The following MANBA variants were observed in gnomAD, a reference collection of about 807,000 sequenced individuals.
MANBA encodes the protein beta-mannosidase.
A neutral mutation model predicts 111.1 loss-of-function variants in MANBA; 83 were observed. The observed-to-expected ratio is 0.75, with a 90% CI of 0.63 to 0.90. The LOEUF (loss-of-function observed/expected upper bound fraction) is 0.90. MANBA is among the 40% of genes least tolerant of loss of function. The pLI is 0.00. For missense variants in MANBA, 1,036 were observed against 1,069.0 expected, an observed-to-expected ratio of 0.97 and a Z score of 0.43; for synonymous variants, 370 against 378.7, an observed-to-expected ratio of 0.98 and a Z score of 0.27.
At chr4:102,705,953 G>A (rs1733278479) in intron 5 of MANBA, among the ~76,000 whole-genome samples, 1 of 152,164 alleles carries the variant, frequency 6.6e-6, no homozygotes, top group African/African-American at 2.4e-5. Context: ...GGGGACTAGT[G>A]TGCCCAGCCT....
intron 7 of MANBA, among the ~76,000 whole-genome samples, chr4:102,687,015 C>T (rs1163649805): frequency 6.6e-6 from 1 of 152,188 alleles, no homozygotes; most frequent in Non-Finnish European, 1.5e-5. Context: ...ACATCTAACA[C>T]TGAAATAATT....
At chr4:102,636,725 G>A (rs1397311757) in intron 14 of MANBA, among the ~76,000 whole-genome samples, 1 of 152,200 alleles carries the variant, frequency 6.6e-6, no homozygotes, top group Non-Finnish European at 1.5e-5. Flanking sequence ...TAAGTACAAG[G>A]AGCTGGTGAT....
intron 10 of MANBA, chr4:102,665,745 G>C (rs1199622608): frequency 3.9e-5 from 6 of 152,208 alleles, no homozygotes; most frequent in East Asian, 3.8e-4. Context: ...GAATGGCAGA[G>C]TGAGTCAATG....
At chr4:102,659,990 G>C (rs1447932616) in intron 11 of MANBA, among the ~76,000 whole-genome samples, 1 of 151,930 alleles carries the variant, frequency 6.6e-6, no homozygotes, top group Admixed American at 6.6e-5. Context: ...ATGGCTTCCC[G>C]TCACATGGAT....
At chr4:102,644,255 T>C (rs1333764151) in intron 13 of MANBA, among the ~76,000 whole-genome samples, 2 of 152,124 alleles carry the variant, frequency 1.3e-5, no homozygotes, top group African/African-American at 4.8e-5. Flanking sequence ...AAAATAGAAC[T>C]ACTATATGAT....
intron 13 of MANBA, among the ~76,000 whole-genome samples, chr4:102,644,880 TTTTAA>T (rs1730033834): frequency 6.6e-6 from 1 of 151,994 alleles, no homozygotes; most frequent in African/African-American, 2.4e-5. Context: ...AAATATATAT[TTTTAA>T]TTTATCAATT....
intron 13 of MANBA, among the ~76,000 whole-genome samples, chr4:102,643,356 T>C (rs1729963442): frequency 6.6e-6 from 1 of 152,226 alleles, no homozygotes; most frequent in Non-Finnish European, 1.5e-5. Context: ...CTGCTATGAA[T>C]CTGTGAACAG....
intron 5 of MANBA, among the ~76,000 whole-genome samples, chr4:102,703,924 T>C (rs1733177381): frequency 6.6e-6 from 1 of 151,832 alleles, no homozygotes; most frequent in Non-Finnish European, 1.5e-5. Flanking sequence ...TGAAACCCCA[T>C]CTCTACCAAA....
chr4:102,722,267 T>C (rs1346457745), intron 4 of MANBA: 2 of 155,364 alleles, frequency 1.3e-5, no homozygotes, highest in Non-Finnish European at 2.9e-5. Flanking sequence ...ATAAATTTTA[T>C]GTACAGTTTA....
At position 102,657,909 on chromosome 4, in the gene MANBA, A is replaced by G. The variant is rs762193521; in HGVS notation, c.1486-9T>C. 1.3e-6 allele frequency: 2 copies of G among 1,550,220 alleles called. No homozygotes were observed. ...GGACGACTCTTGTCTCCCTGAGTTCAGAAATAAAATGAATTCAAGGATAAT... is the reference window on the plus strand; with the variant it reads ...GGACGACTCTTGTCTCCCTGAGTTCGGAAATAAAATGAATTCAAGGATAAT... On this transcript the variant is annotated splice_polypyrimidine_tract_variant and intron_variant, in intron 11 of 16. Coordinates refer to ENST00000647097, the MANE Select transcript of MANBA (RefSeq NM_005908.4).
intron 11 of MANBA, among the ~76,000 whole-genome samples, chr4:102,662,273 G>A (rs144880839): frequency 1.7e-4 from 26 of 152,262 alleles, no homozygotes; most frequent in African/African-American, 6.3e-4. Context: ...CAGGCGTGGT[G>A]GCTCACACCT....
chr4:102,639,822 T>C lies in MANBA; in HGVS notation c.1905A>G (p.Glu635=). 2 of 1,614,102 alleles carry C rather than the reference T, an allele frequency of 1.2e-6. No individual in the cohort carries two copies. The highest frequency in any genetic ancestry group is 3.3e-5 in the Admixed American group (2 of 60,006). ...MQAQCVKTET[E]FYRRSRSEIV... The stretch of plus-strand genomic sequence containing the variant: ...TCTCGCTGCGACTACGGCGGTAGAA[T>C]TCAGTTTCTGTTTTGACACACTGGG... Residue 635 remains glutamate, a synonymous_variant, in exon 14 of 17, where the codon GAA becomes GAG. Transcript: ENST00000647097.
At chr4:102,733,424 G>A (rs1723100846) in intron 1 of MANBA, among the ~76,000 whole-genome samples, 1 of 151,566 alleles carries the variant, frequency 6.6e-6, no homozygotes, top group Non-Finnish European at 1.5e-5. Context: ...CACAACCATG[G>A]TTCACTACAG....
chr4:102,760,386 T>C (rs1485725389), intron 1 of MANBA, among the ~76,000 whole-genome samples: 1 of 152,170 alleles, frequency 6.6e-6, no homozygotes, highest in African/African-American at 2.4e-5. Context: ...CCCGACCTTA[T>C]GCTTGTCAGT....
intron 1 of MANBA, among the ~76,000 whole-genome samples, chr4:102,738,128 C>A (rs1456211062): frequency 6.6e-6 from 1 of 152,252 alleles, no homozygotes; most frequent in African/African-American, 2.4e-5. Context: ...CACCTCCTGG[C>A]TGGAGACCAA....
At chr4:102,728,608 T>A (rs1276513622) in intron 1 of MANBA, 3 of 470,182 alleles carry the variant, frequency 6.4e-6, no homozygotes, top group Middle Eastern at 6.4e-4. Flanking sequence ...GCATGGGGGG[T>A]CCCCAGGTAG....
chr4:102,645,257 T>A (rs538183292), intron 13 of MANBA, among the ~76,000 whole-genome samples: 55 of 152,226 alleles, frequency 3.6e-4, no homozygotes, highest in Middle Eastern at 3.4e-3. Flanking sequence ...TGGATTTGGA[T>A]TGATACCATT....
chr4:102,724,387 GTC>G (rs1474044895), intron 2 of MANBA, among the ~76,000 whole-genome samples: 1 of 152,148 alleles, frequency 6.6e-6, no homozygotes, highest in African/African-American at 2.4e-5. Flanking sequence ...GCGAAACCCT[GTC>G]TCTACTAAAA....
intron 4 of MANBA, among the ~76,000 whole-genome samples, chr4:102,718,896 G>A (rs943946502): frequency 6.6e-6 from 1 of 152,078 alleles, no homozygotes; most frequent in African/African-American, 2.4e-5. Flanking sequence ...AGGGGAGGGG[G>A]TGTACAAACA....
Sources: gnomAD v4.1 joint callset for allele counts (sites outside exome capture counted in the v4.1 genomes callset) on GRCh38, gnomAD v4.1.1 for gene constraint, MANE v1.5 for transcripts, NCBI Gene and HGNC (gene_info 2026-07-23, HGNC 2026-07-21) for gene names.